Variants in BNC2 observed in about 807,000 individuals in gnomAD.
BNC2 encodes zinc finger protein basonuclin-2.
Under a neutral mutation model 76.3 loss-of-function variants are expected in BNC2, and 20 were observed. That is an observed-to-expected ratio of 0.26 (90% CI 0.18 to 0.38). The LOEUF (loss-of-function observed/expected upper bound fraction) is 0.38, where lower values mean the gene tolerates loss of function less well. Among genes scored for constraint, BNC2 ranks in the 10% least tolerant of loss-of-function variants. BNC2 has a pLI of 1.00. For synonymous variants in BNC2, 582 were observed against 514.8 expected (o/e 1.13, Z -1.77); for missense variants, 1,382 against 1,399.8 (o/e 0.99, Z 0.20).
intron 3 of BNC2, among the ~76,000 whole-genome samples, chr9:16,663,869 A>G (rs1563886723): frequency 6.6e-6 from 1 of 152,196 alleles, no homozygotes; most frequent in Non-Finnish European, 1.5e-5. Flanking sequence ...TAATTTCCTC[A>G]TTGAATAAAT....
chr9:16,559,390 G>C (rs535428271), intron 4 of BNC2, among the ~76,000 whole-genome samples: 29 of 152,286 alleles, frequency 1.9e-4, no homozygotes, highest in Middle Eastern at 3.4e-3. Flanking sequence ...GGACATCCCT[G>C]TTCTAGGGGC....
intron 1 of BNC2, among the ~76,000 whole-genome samples, chr9:16,747,778 G>C (rs973135910): frequency 6.6e-6 from 1 of 152,150 alleles, no homozygotes; most frequent in Non-Finnish European, 1.5e-5. Flanking sequence ...ATTAATATCT[G>C]GTAATATCTT....
chr9:16,768,818 A>T (rs1042688581), intron 1 of BNC2, among the ~76,000 whole-genome samples: 5 of 152,246 alleles, frequency 3.3e-5, no homozygotes, highest in African/African-American at 1.2e-4. Context: ...ATGACTTGAA[A>T]TAATGGAGAC....
At chr9:16,651,964 T>C (rs539690363) in intron 3 of BNC2, among the ~76,000 whole-genome samples, 1 of 152,348 alleles carries the variant, frequency 6.6e-6, no homozygotes, top group Non-Finnish European at 1.5e-5. Flanking sequence ...TCCTAATCTA[T>C]TCTATGCATT....
At chr9:16,496,099 G>A (rs747821346) in intron 5 of BNC2, among the ~76,000 whole-genome samples, 1 of 151,786 alleles carries the variant, frequency 6.6e-6, no homozygotes, top group Non-Finnish European at 1.5e-5. Flanking sequence ...AGTAGAGACA[G>A]GGTTTCGCCA....
intron 3 of BNC2, among the ~76,000 whole-genome samples, chr9:16,632,069 T>C (rs1352071735): frequency 6.6e-6 from 1 of 152,146 alleles, no homozygotes; most frequent in Non-Finnish European, 1.5e-5. Context: ...GGGTCTTGTT[T>C]GTCCCTTTTA....
At chr9:16,501,711 T>A (rs144943675) in intron 5 of BNC2, among the ~76,000 whole-genome samples, 1 of 152,124 alleles carries the variant, frequency 6.6e-6, no homozygotes, top group African/African-American at 2.4e-5. Flanking sequence ...CTGTCCACAA[T>A]TGGTTTGATG....
At chr9:16,548,274 AT>A (rs1818550052) in intron 5 of BNC2, among the ~76,000 whole-genome samples, 1 of 152,156 alleles carries the variant, frequency 6.6e-6, no homozygotes, top group Non-Finnish European at 1.5e-5. Flanking sequence ...CCGTATTCTT[AT>A]TTCCTAGGTC....
chr9:16,670,384 A>T (rs970435611), intron 3 of BNC2, among the ~76,000 whole-genome samples: 5 of 152,272 alleles, frequency 3.3e-5, no homozygotes, highest in Non-Finnish European at 7.4e-5. Flanking sequence ...GCGCGATCAT[A>T]GTTCACTGTT....
chr9:16,790,514 G>T (rs866247379), intron 1 of BNC2, among the ~76,000 whole-genome samples: 1 of 152,100 alleles, frequency 6.6e-6, no homozygotes, highest in Admixed American at 6.5e-5. Context: ...CCTTATTCTC[G>T]TTGCTAATTT....
chr9:16,694,372 G>C (rs1044937198), intron 3 of BNC2, among the ~76,000 whole-genome samples: 4 of 152,102 alleles, frequency 2.6e-5, no homozygotes, highest in Non-Finnish European at 2.9e-5. Flanking sequence ...TTAAAAAAAA[G>C]TTTCAGTAGC....
intron 1 of BNC2, among the ~76,000 whole-genome samples, chr9:16,757,268 T>G (rs1419371305): frequency 2.0e-5 from 3 of 152,222 alleles, no homozygotes; most frequent in Non-Finnish European, 2.9e-5. Context: ...TATACGTATT[T>G]ACAGTGATCT....
At chr9:16,426,791 C>A (rs1820811249) in intron 6 of BNC2, among the ~76,000 whole-genome samples, 1 of 152,138 alleles carries the variant, frequency 6.6e-6, no homozygotes, top group Admixed American at 6.5e-5. Flanking sequence ...TTTATTTGCA[C>A]AGGCAGAGTC....
chr9:16,565,939 A>G (rs1385535406), intron 4 of BNC2, among the ~76,000 whole-genome samples: 1 of 145,878 alleles, frequency 6.9e-6, no homozygotes, highest in Non-Finnish European at 1.5e-5. Flanking sequence ...TTCGGCCAGG[A>G]CATGAACAAG....
intron 5 of BNC2, among the ~76,000 whole-genome samples, chr9:16,472,885 C>T (rs1160515522): frequency 6.6e-6 from 1 of 152,146 alleles, no homozygotes; most frequent in African/African-American, 2.4e-5. Context: ...AGTCAGTGGA[C>T]ATTTGAAAAT....
chr9:16,814,085 A>C (rs1399882122), intron 1 of BNC2, among the ~76,000 whole-genome samples: 5 of 152,194 alleles, frequency 3.3e-5, no homozygotes, highest in Admixed American at 3.3e-4. Flanking sequence ...GGCTGTGGAC[A>C]ATGTTTTCTG....
At chr9:16,516,409 A>G (rs1356292526) in intron 5 of BNC2, among the ~76,000 whole-genome samples, 3 of 152,118 alleles carry the variant, frequency 2.0e-5, no homozygotes, top group South Asian at 4.2e-4. Flanking sequence ...TAAAGAAGCG[A>G]GTTTACAGTG....
chr9:16,786,836 C>T (rs1230350757), intron 1 of BNC2, among the ~76,000 whole-genome samples: 1 of 152,090 alleles, frequency 6.6e-6, no homozygotes. Context: ...TAACTCCCAC[C>T]CTGCAACAGT....
At chr9:16,866,662 T>TAAA (rs1563977817) in intron 1 of BNC2, among the ~76,000 whole-genome samples, 33 of 131,276 alleles carry the variant, frequency 2.5e-4, no homozygotes, top group African/African-American at 8.7e-4. Context: ...TCTGTCACTT[T>TAAA]TAAAAAAAAA....
Sources: allele counts gnomAD v4.1 joint callset (sites outside exome capture counted in the v4.1 genomes callset), GRCh38; gene constraint gnomAD v4.1.1; transcripts MANE v1.5; gene names NCBI Gene and HGNC (gene_info 2026-07-23, HGNC 2026-07-21).